Variants in CCDC93 observed in about 807,000 individuals in gnomAD.
CCDC93 encodes CCC complex scaffolding subunit CCDC93, also known as coiled-coil domain-containing protein 93.
A neutral mutation model predicts 108.2 loss-of-function variants in CCDC93; 61 were observed. The observed-to-expected ratio is 0.56, with a 90% CI of 0.46 to 0.70. The LOEUF (loss-of-function observed/expected upper bound fraction) is 0.70. Among genes scored for constraint, CCDC93 ranks in the 30% least tolerant of loss-of-function variants. The probability of loss-of-function intolerance (pLI) is 0.00; values close to 1 mark genes in which losing one functional copy is unlikely to be tolerated. For missense variants in CCDC93, 685 were observed against 764.2 expected (o/e 0.90, Z 1.22); for synonymous variants, 276 against 260.4 (o/e 1.06, Z -0.58).
chr2:117,930,443 CAG>C (rs1314258492), intron 23 of CCDC93, among the ~76,000 whole-genome samples: 1 of 152,162 alleles, frequency 6.6e-6, no homozygotes. Context: ...GAAGGAAAAA[CAG>C]GGAAAACCGA....
At chr2:118,009,979 C>T (rs962711901) in intron 1 of CCDC93, among the ~76,000 whole-genome samples, 1 of 151,942 alleles carries the variant, frequency 6.6e-6, no homozygotes, top group Non-Finnish European at 1.5e-5. Flanking sequence ...GGCTGGAGCA[C>T]GGTGGCGCAA....
At chr2:117,928,308 A>G (rs1678195240) in intron 23 of CCDC93, among the ~76,000 whole-genome samples, 1 of 152,168 alleles carries the variant, frequency 6.6e-6, no homozygotes, top group Admixed American at 6.5e-5. Flanking sequence ...ATAAACTACC[A>G]TAGGAGTGAA....
chr2:117,925,204 C>T (rs1678034720), intron 23 of CCDC93, among the ~76,000 whole-genome samples: 1 of 152,180 alleles, frequency 6.6e-6, no homozygotes, highest in African/African-American at 2.4e-5. Flanking sequence ...TAGGAAGAAA[C>T]TGCATCAACT....
chr2:117,923,495 C>T (rs553650495), intron 23 of CCDC93, among the ~76,000 whole-genome samples: 4 of 152,318 alleles, frequency 2.6e-5, no homozygotes, highest in East Asian at 1.9e-4. Flanking sequence ...GAGGATCCTA[C>T]GCCCATGGAG....
chr2:117,942,593 G>A (rs529543950), intron 18 of CCDC93, among the ~76,000 whole-genome samples: 1 of 152,276 alleles, frequency 6.6e-6, no homozygotes, highest in Admixed American at 6.5e-5. Context: ...TCTCTGCTCG[G>A]CTCCCACAAG....
intron 11 of CCDC93, among the ~76,000 whole-genome samples, chr2:117,967,000 C>T (rs1679603221): frequency 6.6e-6 from 1 of 151,930 alleles, no homozygotes; most frequent in African/African-American, 2.4e-5. Flanking sequence ...CTCCCACTGC[C>T]TTTTTTTTCT....
At chr2:117,926,885 A>G (rs982906905) in intron 23 of CCDC93, among the ~76,000 whole-genome samples, 12 of 152,286 alleles carry the variant, frequency 7.9e-5, no homozygotes, top group Admixed American at 6.5e-4. Context: ...ATACTGGCAA[A>G]CCGAATCCAG....
intron 6 of CCDC93, among the ~76,000 whole-genome samples, chr2:117,989,326 T>C (rs1478667252): frequency 6.6e-6 from 1 of 151,846 alleles, no homozygotes; most frequent in Non-Finnish European, 1.5e-5. Flanking sequence ...TCTTGGAGAG[T>C]TCCTTTCCTC....
intron 18 of CCDC93, among the ~76,000 whole-genome samples, chr2:117,941,499 G>GGGA (rs753394348): frequency 1.4e-4 from 22 of 152,262 alleles, no homozygotes; most frequent in Non-Finnish European, 3.1e-4. Flanking sequence ...GGGAGGTGGT[G>GGGA]TGACTGTGAA....
At chr2:117,969,536 G>C (rs1003460792) in intron 11 of CCDC93, among the ~76,000 whole-genome samples, 11 of 152,204 alleles carry the variant, frequency 7.2e-5, no homozygotes, top group African/African-American at 1.4e-4. Flanking sequence ...CACAAACAAC[G>C]TGAGAATGAG....
intron 19 of CCDC93, among the ~76,000 whole-genome samples, chr2:117,940,200 G>A (rs1395789190): frequency 7.9e-5 from 12 of 152,138 alleles, no homozygotes; most frequent in Admixed American, 6.5e-4. Flanking sequence ...TAGGAGGGCC[G>A]AATTCAATTT....
chr2:117,964,372 G>T (rs1679488506), intron 11 of CCDC93, among the ~76,000 whole-genome samples: 1 of 152,160 alleles, frequency 6.6e-6, no homozygotes, highest in South Asian at 2.1e-4. Flanking sequence ...AGCTGCTGTT[G>T]TTCCTTCCTC....
At chr2:117,920,420 G>C in intron 23 of CCDC93, 24 bp from the exon 24 acceptor site, 5 of 1,587,898 alleles carry the variant, frequency 3.1e-6, no homozygotes, top group East Asian at 4.5e-5. Flanking sequence ...AGAGAGTATA[G>C]AGAGAGTGGT....
chr2:118,001,085 G>A (rs1157902718), intron 3 of CCDC93, 153 bp from the exon 4 acceptor site: 2 of 574,610 alleles, frequency 3.5e-6, no homozygotes, highest in African/African-American at 3.7e-5. Flanking sequence ...ACTGCAAAAT[G>A]AGAAAAATAA....
intron 21 of CCDC93, among the ~76,000 whole-genome samples, chr2:117,936,286 A>G (rs1573469301): frequency 6.6e-6 from 1 of 152,160 alleles, no homozygotes; most frequent in Non-Finnish European, 1.5e-5. Context: ...CTTGACATCT[A>G]GTTTTTAGAG....
intron 3 of CCDC93, among the ~76,000 whole-genome samples, chr2:118,001,670 G>A (rs1308762327): frequency 6.6e-6 from 1 of 152,138 alleles, no homozygotes; most frequent in East Asian, 1.9e-4. Flanking sequence ...GGCTTCCTGA[G>A]GCCTCAGAGT....
chr2:118,005,145 T>C (rs536685671), intron 3 of CCDC93, among the ~76,000 whole-genome samples: 31 of 151,892 alleles, frequency 2.0e-4, no homozygotes, highest in African/African-American at 7.5e-4. Flanking sequence ...AGACAAGGAA[T>C]TGAGAAGACA....
chr2:117,940,867 C>T (rs1450054301), intron 19 of CCDC93, among the ~76,000 whole-genome samples: 3 of 152,160 alleles, frequency 2.0e-5, no homozygotes, highest in Admixed American at 2.0e-4. Context: ...TCTCTAGACA[C>T]CAGGGTCACG....
At chr2:117,964,826 C>T (rs1679504419) in intron 11 of CCDC93, among the ~76,000 whole-genome samples, 2 of 152,172 alleles carry the variant, frequency 1.3e-5, no homozygotes, top group Admixed American at 1.3e-4. Flanking sequence ...TGATCTCAAA[C>T]TCCTGGCCTC....
Sources: allele counts gnomAD v4.1 joint callset (sites outside exome capture counted in the v4.1 genomes callset), GRCh38; gene constraint gnomAD v4.1.1; transcripts MANE v1.5; gene names NCBI Gene and HGNC (gene_info 2026-07-23, HGNC 2026-07-21).